Variants in CHCHD6 observed in about 807,000 individuals in gnomAD.
CHCHD6 encodes the protein coiled-coil-helix-coiled-coil-helix domain containing 6, also known as MICOS complex subunit MIC25.
A neutral mutation model predicts 32.3 loss-of-function variants in CHCHD6; 28 were observed. That is an observed-to-expected ratio of 0.87 (90% confidence interval 0.64 to 1.19). The LOEUF (loss-of-function observed/expected upper bound fraction) is 1.19. Ranked by LOEUF, CHCHD6 falls within the 50% of genes most tolerant of loss-of-function variation. The pLI is 0.00. For synonymous variants in CHCHD6, 122 were observed against 117.5 expected, an observed-to-expected ratio of 1.04 and a Z score of -0.25; for missense variants, 333 against 307.0, an observed-to-expected ratio of 1.08 and a Z score of -0.63.
rs566829610 is a variant in CHCHD6, at chr3:126,704,964, G to GGGGACTGCATCCCTCT, written c.87+577_87+592dup. On this transcript the variant is annotated intron_variant, in intron 1 of 7. Transcript: ENST00000290913. ...AGCTGGCCGCTGCCCGTCGACCTCT[G>GGGGACTGCATCCCTCT]GGGACTGCATCCCTCTGGGACTGCA... is the stretch of plus-strand genomic sequence containing the variant. Among the ~76,000 whole-genome samples, 109 of 152,222 alleles carry GGGGACTGCATCCCTCT rather than the reference G, an allele frequency of 7.2e-4. No individual in the cohort carries two copies. The East Asian group carries it at 0.011, about 15-fold the overall frequency.
chr3:126,834,053 CAAAAAA>C (rs55790919), intron 4 of CHCHD6, among the ~76,000 whole-genome samples: 5 of 44,460 alleles, frequency 1.1e-4, no homozygotes, highest in African/African-American at 2.2e-4. Context: ...GACTCCGTCT[CAAAAAA>C]AAAAAAAAAA....
chr3:126,912,753 T>G (rs1464403960), intron 5 of CHCHD6, among the ~76,000 whole-genome samples: 1 of 152,186 alleles, frequency 6.6e-6, no homozygotes, highest in Non-Finnish European at 1.5e-5. Flanking sequence ...GGGCTCACCT[T>G]CCACATTTAC....
chr3:126,902,696 G>A (rs1473732622), intron 5 of CHCHD6, among the ~76,000 whole-genome samples: 31 of 141,646 alleles, frequency 2.2e-4, no homozygotes, highest in African/African-American at 7.8e-4. Context: ...CAGCCTGGGC[G>A]ACAGAGCAAG....
At chr3:126,715,480 C>T (rs1306582838) in intron 1 of CHCHD6, among the ~76,000 whole-genome samples, 1 of 152,214 alleles carries the variant, frequency 6.6e-6, no homozygotes, top group African/African-American at 2.4e-5. Flanking sequence ...GCTTTGCTGC[C>T]TGCCTCTGGA....
In CHCHD6 at chr3:126,741,139, G is replaced by A. The variant is rs761288921; in HGVS notation, c.411+7917G>A. On this transcript the variant is annotated intron_variant, in intron 4 of 7. Transcript: ENST00000290913. ...CTAGAGTGGTGTATTGGACAAACAC[G>A]GGCTGTGAGGCTGCAGCTGTGTTCA... Among the ~76,000 whole-genome samples the A allele has an allele frequency of 2.0e-5, 3 of 152,144 alleles. No homozygotes were observed. In the East Asian group the frequency reaches 5.8e-4, roughly 29 times the overall value.
intron 1 of CHCHD6, among the ~76,000 whole-genome samples, chr3:126,722,399 G>T (rs1935349243): frequency 6.6e-6 from 1 of 152,216 alleles, no homozygotes; most frequent in Non-Finnish European, 1.5e-5. Context: ...CTGGTCTCAA[G>T]TGATCCTTTT....
intron 6 of CHCHD6, among the ~76,000 whole-genome samples, chr3:126,931,939 C>T (rs914190024): frequency 2.6e-5 from 4 of 152,176 alleles, no homozygotes; most frequent in Non-Finnish European, 5.9e-5. Context: ...AAGTGAGGCT[C>T]AGCTAGGCTG....
chr3:126,924,358 A>C (rs542210100), intron 6 of CHCHD6, among the ~76,000 whole-genome samples: 14 of 152,252 alleles, frequency 9.2e-5, no homozygotes, highest in Non-Finnish European at 1.8e-4. Flanking sequence ...AAAAAGGGTC[A>C]ACAGGGACTA....
intron 4 of CHCHD6, among the ~76,000 whole-genome samples, chr3:126,790,931 G>GT (rs199593737): frequency 0.012 from 1,898 of 152,278 alleles, 42 homozygotes; most frequent in African/African-American, 0.042. Context: ...TTTCTCTTCT[G>GT]TTTTTTCCCC....
At chr3:126,812,845 G>A (rs1195299545) in intron 4 of CHCHD6, among the ~76,000 whole-genome samples, 3 of 152,042 alleles carry the variant, frequency 2.0e-5, no homozygotes, top group Non-Finnish European at 4.4e-5. Context: ...GAATGTCCTC[G>A]TATATTTTGC....
intron 5 of CHCHD6, among the ~76,000 whole-genome samples, chr3:126,881,682 T>C (rs1177545208): frequency 6.6e-6 from 1 of 152,208 alleles, no homozygotes; most frequent in Non-Finnish European, 1.5e-5. Flanking sequence ...AGGAGTCGGC[T>C]GGAGTATTGG....
intron 5 of CHCHD6, chr3:126,865,418 A>T: frequency 4.1e-6 from 1 of 241,216 alleles, no homozygotes; most frequent in Non-Finnish European, 6.6e-6. Context: ...CACCACAACC[A>T]CCACTGCCAC....
intron 1 of CHCHD6, among the ~76,000 whole-genome samples, chr3:126,712,566 C>T (rs1398552195): frequency 2.0e-5 from 3 of 152,162 alleles, no homozygotes; most frequent in South Asian, 4.1e-4. Context: ...CAGCCTTGAT[C>T]CTCCCAGGCT....
chr3:126,839,695 C>G (rs987014143), intron 4 of CHCHD6, among the ~76,000 whole-genome samples: 3 of 152,204 alleles, frequency 2.0e-5, no homozygotes, highest in Non-Finnish European at 4.4e-5. Context: ...TGCATCGGCT[C>G]TCTCACTGGT....
At chr3:126,737,742 C>T (rs1300427485) in intron 4 of CHCHD6, among the ~76,000 whole-genome samples, 1 of 151,912 alleles carries the variant, frequency 6.6e-6, no homozygotes, top group African/African-American at 2.4e-5. Context: ...AAGGATGCTG[C>T]AGATAGGGGG....
chr3:126,845,382 CAT>C (rs1941258954), intron 4 of CHCHD6, among the ~76,000 whole-genome samples: 2 of 152,292 alleles, frequency 1.3e-5, no homozygotes, highest in Admixed American at 6.5e-5. Flanking sequence ...TTTTCAAAAA[CAT>C]AATCTACGTT....
chr3:126,834,599 T>TGG (rs1940778535), intron 4 of CHCHD6, among the ~76,000 whole-genome samples: 1 of 152,138 alleles, frequency 6.6e-6, no homozygotes, highest in East Asian at 1.9e-4. Flanking sequence ...GTGGTCTCCG[T>TGG]CAAGCCAATC....
chr3:126,764,622 G>A (rs192606654), intron 4 of CHCHD6, among the ~76,000 whole-genome samples: 5 of 152,232 alleles, frequency 3.3e-5, no homozygotes, highest in East Asian at 1.9e-4. Context: ...GTGCAGCTCC[G>A]CCCAGGGCGG....
chr3:126,927,628 T>G (rs1206986753), intron 6 of CHCHD6, among the ~76,000 whole-genome samples: 1 of 152,232 alleles, frequency 6.6e-6, no homozygotes, highest in Non-Finnish European at 1.5e-5. Flanking sequence ...GCTCTATTAA[T>G]GGACTCACTT....
Sources: gnomAD v4.1 joint callset for allele counts (sites outside exome capture counted in the v4.1 genomes callset) on GRCh38, gnomAD v4.1.1 for gene constraint, MANE v1.5 for transcripts, NCBI Gene and HGNC (gene_info 2026-07-23, HGNC 2026-07-21) for gene names.